Variants in PMPCB observed in about 807,000 individuals in gnomAD.
PMPCB encodes peptidase, mitochondrial processing subunit beta, also known as mitochondrial-processing peptidase subunit beta.
In PMPCB, 46 loss-of-function variants were observed where a neutral mutation model predicts 61.5. The observed-to-expected ratio is 0.75, with a 90% confidence interval of 0.59 to 0.96. The LOEUF (loss-of-function observed/expected upper bound fraction) is 0.96. PMPCB is among the 40% of genes least tolerant of loss of function. The pLI is 0.00. For missense variants in PMPCB, 590 were observed against 602.4 expected (o/e 0.98, Z 0.22); for synonymous variants, 191 against 201.6 (o/e 0.95, Z 0.44).
downstream of PMPCB, chr7:103,319,587 G>C (rs201350713): frequency 3.0e-4 from 479 of 1,609,950 alleles, 4 homozygotes; most frequent in Middle Eastern, 9.1e-3. Context: ...ATATAGGTAG[G>C]AGTGATGTGT....
chr7:103,321,296 A>C (rs1230915668), intron 12 of PMPCB, among the ~76,000 whole-genome samples: 1 of 151,546 alleles, frequency 6.6e-6, no homozygotes, highest in Admixed American at 6.6e-5. Context: ...AGATGGGTGG[A>C]TCATGAGGTC....
the PMPCB span, among the ~76,000 whole-genome samples, chr7:103,334,729 A>G: frequency 6.6e-6 from 1 of 151,892 alleles, no homozygotes; most frequent in Non-Finnish European, 1.5e-5. Context: ...ATTAACAGGG[A>G]TGAGCCACCA....
At position 103,308,974 on chromosome 7, in the gene PMPCB, T is replaced by C; in HGVS notation, c.872T>C (p.Met291Thr). The part of the protein sequence containing the change: ...GSEIRVRDDK[M>T]PLAHLAIAVE... Reference sequence around the variant, plus strand: ...TAGATTCGTGTGAGGGATGACAAGATGCCTTTGGCGCACCTTGCAATAGCT... The same window carrying C: ...TAGATTCGTGTGAGGGATGACAAGACGCCTTTGGCGCACCTTGCAATAGCT... Residue 291 changes from methionine (M) to threonine (T), a missense_variant, in exon 8 of 13, where the codon ATG becomes ACG. Coordinates refer to ENST00000249269, the MANE Select transcript of PMPCB (RefSeq NM_004279.3). 1 of 1,596,610 alleles carries C rather than the reference T, an allele frequency of 6.3e-7. No individual in the cohort carries two copies. Among genetic ancestry groups the C allele is most frequent in the African/African-American group, 1.3e-5 (1 of 74,140 alleles).
intron 12 of PMPCB, among the ~76,000 whole-genome samples, chr7:103,328,249 A>C (rs890376605): frequency 6.6e-6 from 1 of 152,082 alleles, no homozygotes; most frequent in African/African-American, 2.4e-5. Context: ...GAATTAGCCA[A>C]AGTGCCCCTA....
rs374039954 is a variant in PMPCB, at chr7:103,298,671, G to T, written c.203G>T (p.Arg68Ile). The change falls in exon 2 of 13, where the codon AGA (arginine) becomes ATA (isoleucine). Residue 68 changes from arginine (R) to isoleucine (I), a missense_variant. Transcript: ENST00000249269. ...TRVTCLESGL[R>I]VASEDSGLST... ...GTAACATGTTTAGAAAGTGGACTCA[G>T]AGTAGCTTCGGAAGACTCTGGGCTC... The T allele has an allele frequency of 6.8e-6, 11 of 1,614,066 alleles. No individual in the cohort carries two copies. The highest frequency in any genetic ancestry group is 8.5e-6 in the Non-Finnish European group (10 of 1,180,004).
rs1349591694 is a variant in PMPCB at position 103,329,016 on chromosome 7, C to T, written c.*1517C>T. 7.1e-6 allele frequency: 9 copies of T among 1,270,226 alleles called. No individual in the cohort carries two copies. In the South Asian group the frequency reaches 1.2e-4, roughly 16 times the overall value. The allele number at this position is 1,270,226 out of a possible 1,614,324, so 78.7% of individuals were successfully genotyped here. On this transcript the variant is annotated 3_prime_UTR_variant and NMD_transcript_variant, in exon 13 of 13. Coordinates refer to the PMPCB transcript ENST00000444457. ...AAACTATTTCATACTCCTACGTGAA[C>T]ATCCTTTTACCACAGCCTCAGCCAC...
the PMPCB span, chr7:103,337,795 G>T: frequency 6.2e-7 from 1 of 1,612,924 alleles, no homozygotes; most frequent in Non-Finnish European, 8.5e-7. Flanking sequence ...TCCAAGAACT[G>T]CATAATGATC....
intron 5 of PMPCB, 121 bp downstream of exon 5, chr7:103,304,161 C>A: frequency 3.8e-6 from 3 of 792,446 alleles, no homozygotes; most frequent in Non-Finnish European, 4.0e-6. Context: ...CTAAGTGAAA[C>A]TGTAGTTAGC....
At position 103,303,847 on chromosome 7, in the gene PMPCB, G is replaced by T; in HGVS notation, c.463G>T (p.Glu155Ter). The part of the protein sequence containing the change: ...AFSKDLPRAV[E>*]ILADIIQNST... ...TATATTTTATTTTCAATTAGCTGTA[G>T]AAATTCTTGCTGATATAATACAAAA... The change falls in exon 5 of 13, where the codon GAA (glutamate) becomes TAA (stop). Residue 155 changes from glutamate (E) to a stop codon, truncating the protein, a stop_gained. Transcript: ENST00000249269. LOFTEE classifies it high-confidence loss of function. 1 of 1,602,522 alleles carries T rather than the reference G, an allele frequency of 6.2e-7. No individual in the cohort carries two copies. The highest frequency in any genetic ancestry group is 2.2e-5 in the East Asian group (1 of 44,734).
chr7:103,321,862 A>G (rs1432702856), intron 12 of PMPCB: 7 of 1,529,238 alleles, frequency 4.6e-6, no homozygotes, highest in Non-Finnish European at 5.3e-6. Flanking sequence ...ACAAACAAAC[A>G]AAAAGAAGTA....
rs765845082 is a variant in PMPCB, at chr7:103,311,907, C to G, written c.1329+11C>G. On this transcript the variant is annotated intron_variant, in intron 11 of 12. Transcript: ENST00000249269. ...GAAGCAAGAATTGATGTAAGTAGTC[C>G]TGAGTTACTATTGGGTCATGTGTAA... The G allele has an allele frequency of 3.8e-6, 6 of 1,570,430 alleles. No individual in the cohort carries two copies. The highest frequency in any genetic ancestry group is 5.2e-6 in the Non-Finnish European group (6 of 1,143,420).
chr7:103,321,657 T>A (rs1316575324), intron 12 of PMPCB, among the ~76,000 whole-genome samples: 1 of 149,366 alleles, frequency 6.7e-6, no homozygotes, highest in African/African-American at 2.5e-5. Flanking sequence ...AGACCAGCTT[T>A]GCCAACATGG....
At chr7:103,304,291 G>A in intron 5 of PMPCB, 120 bp from the exon 6 acceptor site, 1 of 696,874 alleles carries the variant, frequency 1.4e-6, no homozygotes, top group Non-Finnish European at 2.5e-6. Flanking sequence ...TGTGTTGCCT[G>A]TATCCTATTT....
chr7:103,311,771 G>A (rs370097333), intron 10 of PMPCB, 37 bp from the exon 11 acceptor site: 2 of 1,598,180 alleles, frequency 1.3e-6, no homozygotes, highest in Non-Finnish European at 1.7e-6. Flanking sequence ...TGGTTGATCT[G>A]TATTCCAATA....
At chr7:103,344,659 C>G in the PMPCB span, 1 of 1,600,650 alleles carries the variant, frequency 6.2e-7, no homozygotes. Context: ...CGCAGCGGCT[C>G]ACGTCCCGGG....
rs775870606 is a variant in PMPCB, at chr7:103,300,288, C to T, written c.438C>T (p.Phe146=). 4 of 1,605,234 alleles carry T rather than the reference C, an allele frequency of 2.5e-6. No homozygotes were observed. The highest frequency in any genetic ancestry group is 2.2e-5 in the South Asian group (2 of 88,966). The stretch of plus-strand genomic sequence containing the variant: ...AGACTGTATACTATGCCAAAGCATT[C>T]TCTAAAGACTTGCCAAGAGGTACTG... The part of the protein sequence containing the change: ...REQTVYYAKA[F]SKDLPRAVEI... Residue 146 remains phenylalanine (F), a synonymous_variant, in exon 4 of 13, where the codon TTC becomes TTT. Coordinates refer to ENST00000249269, the MANE Select transcript of PMPCB (RefSeq NM_004279.3).
intron 6 of PMPCB, 135 bp downstream of exon 6, chr7:103,304,625 T>G: frequency 1.5e-6 from 1 of 672,118 alleles, no homozygotes. Flanking sequence ...GTAAGGGGAA[T>G]GTGGAGCACT....
At chr7:103,317,049 A>G (rs1368240258), downstream of PMPCB, 4 of 1,558,390 alleles carry the variant, frequency 2.6e-6, no homozygotes, top group Middle Eastern at 1.7e-4. Flanking sequence ...ACTTAGAAGT[A>G]TACTGTATTG....
rs113782725 is a variant in PMPCB at position 103,299,910 on chromosome 7, C to CTA, written c.328-254_328-253dup. ...TTACTTCTGGAGTAGCTGGGAGTAT[C>CTA]TATATATATATATATGTTTGTTTGT... is the stretch of plus-strand genomic sequence containing the variant. On this transcript the variant is annotated intron_variant, in intron 3 of 12. Coordinates refer to ENST00000249269, the MANE Select transcript of PMPCB (RefSeq NM_004279.3). 1.7e-3 allele frequency among the ~76,000 whole-genome samples: 257 copies of CTA among 150,516 alleles called. 1 individual carries two copies. Among genetic ancestry groups the CTA allele is most frequent in the South Asian group, 6.9e-3 (33 of 4,762 alleles).
Sources: allele counts gnomAD v4.1 joint callset (sites outside exome capture counted in the v4.1 genomes callset), GRCh38; gene constraint gnomAD v4.1.1; transcripts MANE v1.5; gene names NCBI Gene and HGNC (gene_info 2026-07-23, HGNC 2026-07-21).